The following CACNA2D1 variants were observed in gnomAD, a reference collection of about 807,000 sequenced individuals.
CACNA2D1 encodes voltage-dependent calcium channel subunit alpha-2/delta-1.
Under a neutral mutation model 171.5 loss-of-function variants are expected in CACNA2D1, and 53 were observed. That is an observed-to-expected ratio of 0.31 (90% CI 0.25 to 0.39). The LOEUF is 0.39. Among genes scored for constraint, CACNA2D1 ranks in the 10% least tolerant of loss-of-function variants. The probability of loss-of-function intolerance (pLI) is 1.00; values close to 1 mark genes in which losing one functional copy is unlikely to be tolerated. For synonymous variants in CACNA2D1, 442 were observed against 443.1 expected, an observed-to-expected ratio of 1.00 and a Z score of 0.03; for missense variants, 903 against 1,299.8, an observed-to-expected ratio of 0.69 and a Z score of 4.69.
Position 82,443,703 on chromosome 7 carries a change from C to T in CACNA2D1, c.-244G>A, listed in dbSNP as rs1830687892. 13 of 1,236,214 alleles carry T rather than the reference C, an allele frequency of 1.1e-5. No individual in the cohort carries two copies. The highest frequency in any genetic ancestry group is 1.3e-5 in the Non-Finnish European group (13 of 992,180). 76.6% of individuals were successfully genotyped at this position (1,236,214 alleles called of 1,614,324 possible). On this transcript the variant is annotated 5_prime_UTR_variant, in exon 1 of 39. Coordinates refer to ENST00000356860, the MANE Select transcript of CACNA2D1 (RefSeq NM_000722.4). ...GTCGGCTGCTCCGCGCCGCGGCCGC[C>T]TTGCCTCCGCCGCCATCAAGGGCGA...
chr7:82,006,484 T>C (rs1437500657), intron 16 of CACNA2D1, among the ~76,000 whole-genome samples: 2 of 152,110 alleles, frequency 1.3e-5, no homozygotes, highest in Non-Finnish European at 2.9e-5. Flanking sequence ...GAAATTGTTT[T>C]AAAATTTTGG....
At chr7:82,431,283 A>G (rs1423334297) in intron 1 of CACNA2D1, among the ~76,000 whole-genome samples, 2 of 152,230 alleles carry the variant, frequency 1.3e-5, no homozygotes, top group African/African-American at 2.4e-5. Context: ...ACTAATCCAT[A>G]GTCATCAATT....
chr7:81,971,917 T>C (rs1795323434), intron 25 of CACNA2D1, 53 bp from the exon 26 acceptor site: 1 of 1,063,398 alleles, frequency 9.4e-7, no homozygotes, highest in Non-Finnish European at 1.5e-6. Context: ...ATTATGATCA[T>C]AATGAAAAAT....
intron 3 of CACNA2D1, among the ~76,000 whole-genome samples, chr7:82,224,928 C>CAA (rs144041986): frequency 1.3e-5 from 2 of 149,540 alleles, no homozygotes; most frequent in Admixed American, 6.7e-5. Context: ...TCCAATTGAC[C>CAA]AAAAAAAAAT....
At chr7:81,980,783 C>CT (rs1584274891) in intron 24 of CACNA2D1, among the ~76,000 whole-genome samples, 2 of 152,030 alleles carry the variant, frequency 1.3e-5, no homozygotes, top group East Asian at 3.9e-4. Context: ...TACGACAGAA[C>CT]TGGCAAGACT....
At chr7:82,420,665 A>G in intron 1 of CACNA2D1, among the ~76,000 whole-genome samples, 1 of 152,296 alleles carries the variant, frequency 6.6e-6, no homozygotes, top group South Asian at 2.1e-4. Flanking sequence ...GATACACTTT[A>G]AAAGGAATAA....
intron 1 of CACNA2D1, among the ~76,000 whole-genome samples, chr7:82,368,320 T>C (rs1460686450): frequency 6.6e-6 from 1 of 152,240 alleles, no homozygotes; most frequent in Non-Finnish European, 1.5e-5. Context: ...ACAAATTGTG[T>C]GGAAATATGC....
intron 1 of CACNA2D1, among the ~76,000 whole-genome samples, chr7:82,407,878 T>C (rs1020106933): frequency 2.6e-5 from 4 of 152,156 alleles, no homozygotes; most frequent in Admixed American, 2.6e-4. Context: ...GCCTAATAGA[T>C]ATAGCCCATC....
chr7:82,163,492 T>C (rs192561089), intron 4 of CACNA2D1, among the ~76,000 whole-genome samples: 21 of 152,028 alleles, frequency 1.4e-4, no homozygotes, highest in East Asian at 5.8e-4. Flanking sequence ...CATACAGACA[T>C]TGAGAAGATG....
chr7:82,285,303 C>CTT lies in CACNA2D1; in HGVS notation c.294+49830_294+49831dup, dbSNP rs139156078. Reference sequence around the variant, plus strand: ...GTGGTAATGCCTCTCATGGTCATATCTTTCCTCAATCAGGCCCCAAATCCT... The same window carrying CTT: ...GTGGTAATGCCTCTCATGGTCATATCTTTTTCCTCAATCAGGCCCCAAATCCT... On this transcript the variant is annotated intron_variant, in intron 3 of 38. Transcript: ENST00000356860. Among the ~76,000 whole-genome samples, 764 of 152,192 alleles carry CTT rather than the reference C, an allele frequency of 5.0e-3. 15 individuals are homozygous for CTT. In the East Asian group the frequency reaches 0.079, roughly 16 times the overall value.
chr7:82,236,806 CACTT>C (rs201179966), intron 3 of CACNA2D1, among the ~76,000 whole-genome samples: 1,642 of 152,074 alleles, frequency 0.011, 20 homozygotes, highest in Admixed American at 0.016. Context: ...AATATTTCCT[CACTT>C]ACGGCAGATT....
chr7:82,334,181 CT>C (rs1817710931), intron 3 of CACNA2D1, among the ~76,000 whole-genome samples: 1 of 152,164 alleles, frequency 6.6e-6, no homozygotes, highest in African/African-American at 2.4e-5. Flanking sequence ...AAGTGTAACA[CT>C]TCCACATGTC....
At chr7:82,345,636 T>TA (rs1563402927) in intron 2 of CACNA2D1, among the ~76,000 whole-genome samples, 2 of 151,858 alleles carry the variant, frequency 1.3e-5, no homozygotes, top group Non-Finnish European at 2.9e-5. Context: ...TATTCATAAA[T>TA]ATGTGATGAT....
intron 20 of CACNA2D1, among the ~76,000 whole-genome samples, chr7:81,992,127 G>GCCA (rs755807221): frequency 2.0e-5 from 3 of 151,686 alleles, no homozygotes; most frequent in Non-Finnish European, 4.4e-5. Context: ...ACAGGAGTGA[G>GCCA]CCACCGCTCT....
intron 4 of CACNA2D1, among the ~76,000 whole-genome samples, chr7:82,137,337 T>A (rs566847607): frequency 6.6e-6 from 1 of 152,118 alleles, no homozygotes; most frequent in South Asian, 2.1e-4. Flanking sequence ...ACAAACTATG[T>A]TAGAAAGGAA....
chr7:82,268,725 CAAAA>C (rs3839794), intron 3 of CACNA2D1, among the ~76,000 whole-genome samples: 2 of 138,694 alleles, frequency 1.4e-5, no homozygotes, highest in African/African-American at 2.6e-5. Context: ...TACCTGAGAC[CAAAA>C]AAAAAAAAAA....
At chr7:81,980,693 TGTA>T (rs1033308514) in intron 24 of CACNA2D1, among the ~76,000 whole-genome samples, 5 of 151,938 alleles carry the variant, frequency 3.3e-5, no homozygotes, top group African/African-American at 1.2e-4. Flanking sequence ...AAGAGGCAAA[TGTA>T]GTAGTTTAGG....
intron 3 of CACNA2D1, among the ~76,000 whole-genome samples, chr7:82,291,660 TA>T (rs1276656179): frequency 4.5e-5 from 6 of 134,646 alleles, no homozygotes; most frequent in South Asian, 2.1e-4. Context: ...CATATATATA[TA>T]TTTTTTTTTC....
intron 3 of CACNA2D1, among the ~76,000 whole-genome samples, chr7:82,229,669 C>G (rs1802700948): frequency 1.8e-5 from 2 of 113,346 alleles, no homozygotes; most frequent in Admixed American, 1.7e-4. Context: ...TCCCACACTT[C>G]TGGTTTACTT....
Sources: allele counts gnomAD v4.1 joint callset (sites outside exome capture counted in the v4.1 genomes callset), GRCh38; gene constraint gnomAD v4.1.1; transcripts MANE v1.5; gene names NCBI Gene and HGNC (gene_info 2026-07-23, HGNC 2026-07-21).